The following DPP6 variants were observed in gnomAD, a reference collection of about 807,000 sequenced individuals.
The protein encoded by DPP6 is dipeptidyl peptidase like 6.
A neutral mutation model predicts 122.6 loss-of-function variants in DPP6; 69 were observed. The ratio of observed to expected loss-of-function variants is 0.56; its 90% CI spans 0.46 to 0.69. DPP6 has a LOEUF of 0.69. Ranked by LOEUF, DPP6 falls within the 30% of genes least tolerant of loss-of-function variation. The pLI is 0.00. For synonymous variants in DPP6, 418 were observed against 433.1 expected (o/e 0.97, Z 0.43); for missense variants, 928 against 1,116.9 (o/e 0.83, Z 2.41).
intron 17 of DPP6, among the ~76,000 whole-genome samples, chr7:154,867,022 A>G (rs1020158705): frequency 1.3e-5 from 2 of 150,382 alleles, no homozygotes; most frequent in Non-Finnish European, 2.9e-5. Context: ...TGGGAGGATG[A>G]CTGGACATCC....
chr7:154,537,131 A>C (rs1361064892), intron 3 of DPP6, among the ~76,000 whole-genome samples: 2 of 152,182 alleles, frequency 1.3e-5, no homozygotes, highest in African/African-American at 4.8e-5. Flanking sequence ...CACAACTAAG[A>C]AAATGCACTT....
chr7:154,377,566 T>C (rs1475609852), intron 1 of DPP6, among the ~76,000 whole-genome samples: 1 of 152,192 alleles, frequency 6.6e-6, no homozygotes, highest in East Asian at 1.9e-4. Flanking sequence ...CTTCTTGCTG[T>C]TCTCCTGATA....
At chr7:154,630,694 A>G (rs189031522) in intron 5 of DPP6, among the ~76,000 whole-genome samples, 207 of 152,304 alleles carry the variant, frequency 1.4e-3, no homozygotes, top group African/African-American at 4.8e-3. Context: ...ACAGAAAACC[A>G]AACACCACAT....
rs1384994382 is a variant in DPP6 at position 153,964,994 on chromosome 7, T to C, written c.51+77260T>C. On this transcript the variant is annotated intron_variant, in intron 1 of 25. Transcript: ENST00000404039. ...ATTTCTTTTCCCTTCCTTCCTTCCT[T>C]CCTTTCTTCCTTCCTTCCTTCCTTC... 6.9e-5 allele frequency among the ~76,000 whole-genome samples: 4 copies of C among 57,564 alleles called. 1 individual carries two copies. The highest frequency in any genetic ancestry group is 2.3e-4 in the Admixed American group (1 of 4,294). 37.8% of individuals were successfully genotyped at this position (57,564 alleles called of 152,430 possible).
At chr7:153,812,107 T>C in the DPP6 span, among the ~76,000 whole-genome samples, 1 of 152,116 alleles carries the variant, frequency 6.6e-6, no homozygotes, top group Admixed American at 6.5e-5. Flanking sequence ...TTTTTTCTCC[T>C]CTTTCATCTT....
At position 153,932,011 on chromosome 7, in the gene DPP6, G is replaced by A. The variant is rs1240145832; in HGVS notation, c.51+44277G>A. Among the ~76,000 whole-genome samples the A allele has an allele frequency of 3.9e-5, 6 of 152,158 alleles. No homozygotes were observed. The East Asian group carries it at 1.2e-3, about 29-fold the overall frequency. On this transcript the variant is annotated intron_variant, in intron 1 of 25. Coordinates refer to the DPP6 transcript ENST00000404039. The stretch of plus-strand genomic sequence containing the variant: ...TTGTCTTCTGATCAGAGCTGCACAA[G>A]AACTCTTGATCATTTACAAATGACG...
chr7:154,874,436 T>C (rs1804679768), intron 19 of DPP6, among the ~76,000 whole-genome samples: 1 of 152,186 alleles, frequency 6.6e-6, no homozygotes, highest in African/African-American at 2.4e-5. Flanking sequence ...CTAGCTTGCC[T>C]TGGAGGCTGT....
intron 1 of DPP6, among the ~76,000 whole-genome samples, chr7:154,310,402 G>T (rs1404174001): frequency 6.6e-6 from 1 of 152,204 alleles, no homozygotes; most frequent in Non-Finnish European, 1.5e-5. Context: ...GTGCAAATCA[G>T]CAAGTGCCAT....
chr7:154,559,895 AC>A (rs1830300368), intron 4 of DPP6, among the ~76,000 whole-genome samples: 1 of 149,792 alleles, frequency 6.7e-6, no homozygotes, highest in Admixed American at 6.7e-5. Context: ...ACAGAATGAG[AC>A]CTTTTTCTCT....
chr7:154,382,566 T>C (rs910032971), intron 1 of DPP6, among the ~76,000 whole-genome samples: 13 of 152,254 alleles, frequency 8.5e-5, no homozygotes, highest in African/African-American at 2.7e-4. Flanking sequence ...AAATAGCTAA[T>C]AGCTAACAAA....
At chr7:154,887,815 C>T in intron 23 of DPP6, 81 bp downstream of exon 23, 1 of 1,495,026 alleles carries the variant, frequency 6.7e-7, no homozygotes, top group Non-Finnish European at 9.3e-7. Context: ...GGCTGTATGG[C>T]CCACTCTGCC....
intron 2 of DPP6, among the ~76,000 whole-genome samples, chr7:154,462,598 G>A (rs1220864725): frequency 6.6e-6 from 1 of 151,634 alleles, no homozygotes; most frequent in African/African-American, 2.4e-5. Flanking sequence ...GTTAATTCCT[G>A]GGTATTTTAT....
chr7:154,707,125 G>A (rs1840874159), intron 7 of DPP6, among the ~76,000 whole-genome samples: 1 of 152,210 alleles, frequency 6.6e-6, no homozygotes, highest in Non-Finnish European at 1.5e-5. Context: ...GAGGGGAAAA[G>A]TGGTAAAGTG....
intron 1 of DPP6, chr7:154,038,286 G>A (rs1009725650): frequency 2.6e-4 from 27 of 105,784 alleles, no homozygotes; most frequent in Non-Finnish European, 1.1e-4. Context: ...CCTCTACTGG[G>A]GAGATACAGG....
chr7:153,801,114 A>G, the DPP6 span, among the ~76,000 whole-genome samples: 1 of 150,726 alleles, frequency 6.6e-6, no homozygotes, highest in Non-Finnish European at 1.5e-5. Context: ...AACAGGCAGC[A>G]CATTTCGGAA....
chr7:153,865,413 C>A, the DPP6 span, among the ~76,000 whole-genome samples: 3 of 152,084 alleles, frequency 2.0e-5, no homozygotes, highest in Admixed American at 6.6e-5. Context: ...ATAATCTTGG[C>A]TTTCAGAATG....
the DPP6 span, among the ~76,000 whole-genome samples, chr7:153,877,879 T>C: frequency 1.4e-5 from 2 of 142,570 alleles, no homozygotes; most frequent in Admixed American, 7.2e-5. Context: ...AAAGGACTCA[T>C]ATCCTGGATA....
intron 1 of DPP6, among the ~76,000 whole-genome samples, chr7:154,332,735 C>A (rs987010416): frequency 6.6e-6 from 1 of 152,168 alleles, no homozygotes; most frequent in Non-Finnish European, 1.5e-5. Flanking sequence ...CTGTCTCCCC[C>A]CTCCAACCTT....
the DPP6 span, among the ~76,000 whole-genome samples, chr7:153,759,993 C>CTCTA: frequency 6.6e-6 from 1 of 150,936 alleles, no homozygotes; most frequent in East Asian, 1.9e-4. Context: ...CTCTCTCTCT[C>CTCTA]TCTATCTGTA....
Sources: allele counts gnomAD v4.1 joint callset (sites outside exome capture counted in the v4.1 genomes callset), GRCh38; gene constraint gnomAD v4.1.1; transcripts MANE v1.5; gene names NCBI Gene and HGNC (gene_info 2026-07-23, HGNC 2026-07-21).